SLC29A3: variants seen among roughly 807,000 people sequenced by gnomAD.
SLC29A3 encodes equilibrative nucleoside transporter 3.
In SLC29A3, 18 loss-of-function variants were observed where a neutral mutation model predicts 25.4. The observed-to-expected ratio is 0.71, with a 90% CI of 0.49 to 1.05. SLC29A3 has a LOEUF of 1.05. SLC29A3 is among the 50% of genes least tolerant of loss of function. The pLI, the probability that SLC29A3 is intolerant of heterozygous loss-of-function variation, is 0.00. For synonymous variants in SLC29A3, 258 were observed against 267.1 expected, an observed-to-expected ratio of 0.97 and a Z score of 0.33; for missense variants, 586 against 609.0, an observed-to-expected ratio of 0.96 and a Z score of 0.40.
chr10:71,366,760 G>A (rs1847173766), downstream of SLC29A3, among the ~76,000 whole-genome samples: 1 of 152,210 alleles, frequency 6.6e-6, no homozygotes, highest in Admixed American at 6.5e-5. Flanking sequence ...AGAAGAGGAG[G>A]CAAAGCCTGT....
chr10:71,335,779 A>T (rs1333748820), intron 2 of SLC29A3, among the ~76,000 whole-genome samples: 1 of 152,116 alleles, frequency 6.6e-6, no homozygotes, highest in Non-Finnish European at 1.5e-5. Flanking sequence ...AGGACCCCCA[A>T]GCGGTTGTTC....
At chr10:71,342,647 T>C (rs1846441497) in intron 2 of SLC29A3, among the ~76,000 whole-genome samples, 1 of 152,176 alleles carries the variant, frequency 6.6e-6, no homozygotes, top group Admixed American at 6.5e-5. Flanking sequence ...TCTGCAGCCC[T>C]CTCCTCCTAA....
chr10:71,346,681 G>A (rs1846593110), intron 3 of SLC29A3, among the ~76,000 whole-genome samples: 7 of 152,112 alleles, frequency 4.6e-5, no homozygotes, highest in South Asian at 2.1e-4. Flanking sequence ...CTCCAGCCTT[G>A]GCTAGAATGA....
chr10:71,331,885 C>T (rs1427932501), intron 2 of SLC29A3, among the ~76,000 whole-genome samples: 1 of 152,170 alleles, frequency 6.6e-6, no homozygotes, highest in African/African-American at 2.4e-5. Flanking sequence ...TCCTGGGACA[C>T]TTGCCAAATA....
At chr10:71,334,402 TCA>T (rs1846192244) in intron 2 of SLC29A3, among the ~76,000 whole-genome samples, 1 of 152,338 alleles carries the variant, frequency 6.6e-6, no homozygotes, top group African/African-American at 2.4e-5. Flanking sequence ...CTGGGAACAC[TCA>T]CTTACAGCTC....
chr10:71,330,981 T>C (rs1846105094), intron 2 of SLC29A3, among the ~76,000 whole-genome samples: 1 of 152,170 alleles, frequency 6.6e-6, no homozygotes. Context: ...TGACTGGGAC[T>C]CAGACCTGGG....
Position 71,356,075 on chromosome 10 carries a change from C to T in SLC29A3, c.611-6C>T, listed in dbSNP as rs767730757. On this transcript the variant is annotated splice_polypyrimidine_tract_variant and splice_region_variant and intron_variant, in intron 4 of 5. Transcript: ENST00000373189. ...ACCATCTCTGCGTGTCCTCTGTTCT[C>T]TGCAGGAGGAGCCATGGGCGGGACG... 1 of 1,613,812 alleles carries T rather than the reference C, an allele frequency of 6.2e-7. No individual in the cohort carries two copies. The highest frequency in any genetic ancestry group is 1.1e-5 in the South Asian group (1 of 91,068).
intron 4 of SLC29A3, among the ~76,000 whole-genome samples, chr10:71,378,035 T>C (rs956140876): frequency 4.9e-5 from 7 of 141,684 alleles, no homozygotes; most frequent in African/African-American, 1.8e-4. Flanking sequence ...TAAATCTGTG[T>C]TCCTACTAGG....
intron 2 of SLC29A3, among the ~76,000 whole-genome samples, chr10:71,327,446 C>T (rs1166485656): frequency 1.3e-5 from 2 of 152,116 alleles, no homozygotes; most frequent in Admixed American, 6.5e-5. Context: ...CTGCAACAGC[C>T]GCCATTGCCT....
chr10:71,334,990 C>T (rs1358437437), intron 2 of SLC29A3, among the ~76,000 whole-genome samples: 2 of 141,354 alleles, frequency 1.4e-5, no homozygotes, highest in African/African-American at 2.7e-5. Context: ...CTCCCTAGAA[C>T]ACTGGCATTC....
At chr10:71,374,430 G>T (rs917971418) in intron 3 of SLC29A3, among the ~76,000 whole-genome samples, 5 of 152,198 alleles carry the variant, frequency 3.3e-5, no homozygotes, top group African/African-American at 9.7e-5. Flanking sequence ...TCAAGATAAT[G>T]ATATCTGTGT....
At chr10:71,323,778 G>A (rs116538720) in intron 2 of SLC29A3, among the ~76,000 whole-genome samples, 133 of 152,334 alleles carry the variant, frequency 8.7e-4, no homozygotes, top group African/African-American at 3.1e-3. Context: ...TTGGGAGTTG[G>A]TGGGTTTCAA....
At chr10:71,359,898 G>T (rs1268250645) in intron 5 of SLC29A3, among the ~76,000 whole-genome samples, 3 of 152,254 alleles carry the variant, frequency 2.0e-5, no homozygotes, top group Non-Finnish European at 4.4e-5. Context: ...ACCCAGAGAG[G>T]TTGAGTGGCT....
chr10:71,358,876 C>T (rs539802637), intron 5 of SLC29A3, among the ~76,000 whole-genome samples: 4 of 152,306 alleles, frequency 2.6e-5, no homozygotes, highest in African/African-American at 9.6e-5. Flanking sequence ...AGAGAACACC[C>T]AGGACCATGC....
intron 4 of SLC29A3, among the ~76,000 whole-genome samples, chr10:71,353,989 A>T (rs1846829814): frequency 6.6e-6 from 1 of 152,110 alleles, no homozygotes; most frequent in African/African-American, 2.4e-5. Context: ...GCAGCTGGGG[A>T]GTGTCTTACT....
intron 4 of SLC29A3, among the ~76,000 whole-genome samples, chr10:71,354,535 C>T (rs1362672119): frequency 1.3e-5 from 2 of 152,194 alleles, no homozygotes; most frequent in South Asian, 2.1e-4. Flanking sequence ...CATGGGGAGC[C>T]GTGATGGTGC....
intron 4 of SLC29A3, among the ~76,000 whole-genome samples, chr10:71,378,036 T>C (rs1411119099): frequency 7.1e-6 from 1 of 141,668 alleles, no homozygotes; most frequent in Admixed American, 7.1e-5. Flanking sequence ...AAATCTGTGT[T>C]CCTACTAGGC....
intron 3 of SLC29A3, among the ~76,000 whole-genome samples, chr10:71,374,069 G>A (rs1345355212): frequency 2.0e-5 from 3 of 152,340 alleles, no homozygotes; most frequent in South Asian, 4.1e-4. Flanking sequence ...AGTCATTGAT[G>A]TGTAACTTAC....
chr10:71,335,422 G>A (rs1174243029), intron 2 of SLC29A3, among the ~76,000 whole-genome samples: 2 of 152,184 alleles, frequency 1.3e-5, no homozygotes, highest in Admixed American at 6.5e-5. Flanking sequence ...GCCTGGAAGC[G>A]AGGCTGCAAG....
Sources: allele counts gnomAD v4.1 joint callset (sites outside exome capture counted in the v4.1 genomes callset), GRCh38; gene constraint gnomAD v4.1.1; transcripts MANE v1.5; gene names NCBI Gene and HGNC (gene_info 2026-07-23, HGNC 2026-07-21).